CNTN4: variants seen among roughly 807,000 people sequenced by gnomAD.
CNTN4 encodes the protein contactin 4.
Under a neutral mutation model 122.5 loss-of-function variants are expected in CNTN4, and 77 were observed. That is an observed-to-expected ratio of 0.63 (90% CI 0.52 to 0.76). The LOEUF (loss-of-function observed/expected upper bound fraction) is 0.76. CNTN4 is among the 30% of genes least tolerant of loss of function. CNTN4 has a pLI of 0.00. For missense variants in CNTN4, 1,256 were observed against 1,259.1 expected (o/e 1.00, Z 0.04); for synonymous variants, 512 against 447.0 (o/e 1.15, Z -1.83).
intron 4 of CNTN4, among the ~76,000 whole-genome samples, chr3:2,658,111 G>A (rs754483638): frequency 4.0e-5 from 6 of 150,496 alleles, no homozygotes; most frequent in Admixed American, 6.7e-5. Context: ...CAGCCAGGTC[G>A]GAGGGGGTAC....
chr3:2,641,940 C>G (rs2082911605), intron 4 of CNTN4, among the ~76,000 whole-genome samples: 1 of 152,132 alleles, frequency 6.6e-6, no homozygotes, highest in Non-Finnish European at 1.5e-5. Context: ...TGGTGAATCT[C>G]AAAGTATTTC....
chr3:2,204,618 C>G (rs2038254949), intron 2 of CNTN4, among the ~76,000 whole-genome samples: 1 of 152,072 alleles, frequency 6.6e-6, no homozygotes, highest in Non-Finnish European at 1.5e-5. Context: ...ACTTATAAAT[C>G]TTTTTCCTCT....
chr3:2,787,748 AGT>A (rs934597639), intron 6 of CNTN4, among the ~76,000 whole-genome samples: 9 of 151,154 alleles, frequency 6.0e-5, no homozygotes, highest in East Asian at 1.9e-4. Flanking sequence ...TCATGCACAA[AGT>A]GTACTTATCA....
intron 4 of CNTN4, among the ~76,000 whole-genome samples, chr3:2,722,432 G>C (rs187131350): frequency 2.6e-5 from 4 of 152,240 alleles, no homozygotes; most frequent in East Asian, 1.9e-4. Flanking sequence ...GCAAGCAGAT[G>C]CTTTTGCAAT....
chr3:2,370,674 G>A (rs548344275), intron 3 of CNTN4, among the ~76,000 whole-genome samples: 17 of 152,274 alleles, frequency 1.1e-4, no homozygotes, highest in African/African-American at 3.9e-4. Flanking sequence ...TCAAGTACAG[G>A]TATCCTCTGA....
At chr3:2,959,698 CTCA>C (rs1204644091) in intron 13 of CNTN4, among the ~76,000 whole-genome samples, 2 of 151,614 alleles carry the variant, frequency 1.3e-5, no homozygotes, top group Non-Finnish European at 2.9e-5. Flanking sequence ...AAATCTTCTA[CTCA>C]TCAGAAACAG....
At chr3:2,186,160 T>C (rs1022856547) in intron 2 of CNTN4, among the ~76,000 whole-genome samples, 1 of 139,816 alleles carries the variant, frequency 7.2e-6, no homozygotes, top group African/African-American at 2.7e-5. Context: ...AATTCCCACC[T>C]ATGAGTGAGA....
chr3:2,990,886 A>C (rs1694993868), intron 14 of CNTN4, among the ~76,000 whole-genome samples: 1 of 152,200 alleles, frequency 6.6e-6, no homozygotes, highest in Non-Finnish European at 1.5e-5. Flanking sequence ...ATTTTTTAAA[A>C]TTTTATTAAC....
intron 7 of CNTN4, among the ~76,000 whole-genome samples, chr3:2,833,429 G>T (rs1441671164): frequency 2.7e-5 from 4 of 149,090 alleles, no homozygotes; most frequent in Non-Finnish European, 2.9e-5. Context: ...TAAAAATTAG[G>T]TAGTAAAGTT....
intron 3 of CNTN4, among the ~76,000 whole-genome samples, chr3:2,457,655 T>C (rs1289403860): frequency 6.6e-6 from 1 of 152,162 alleles, no homozygotes; most frequent in Non-Finnish European, 1.5e-5. Context: ...CAGGGGAGAC[T>C]AAAACTCCCA....
intron 12 of CNTN4, among the ~76,000 whole-genome samples, chr3:2,903,989 A>T (rs1207866242): frequency 6.6e-6 from 1 of 152,204 alleles, no homozygotes. Context: ...AGAATCGAAA[A>T]CATAGTTGAG....
chr3:2,418,862 A>T (rs562592587), intron 3 of CNTN4, among the ~76,000 whole-genome samples: 1 of 152,178 alleles, frequency 6.6e-6, no homozygotes, highest in African/African-American at 2.4e-5. Flanking sequence ...TTGTATTTAG[A>T]TGTTTGTATT....
intron 10 of CNTN4, among the ~76,000 whole-genome samples, chr3:2,892,898 G>C (rs1390017652): frequency 6.6e-6 from 1 of 152,134 alleles, no homozygotes; most frequent in African/African-American, 2.4e-5. Flanking sequence ...CTTATTCAAG[G>C]TAATGCAGTG....
intron 6 of CNTN4, among the ~76,000 whole-genome samples, chr3:2,773,375 G>T (rs2091184976): frequency 6.6e-6 from 1 of 152,114 alleles, no homozygotes; most frequent in African/African-American, 2.4e-5. Context: ...GTTTGTACAA[G>T]TTTTATTCAA....
At chr3:2,168,292 A>G (rs2036291202) in intron 2 of CNTN4, among the ~76,000 whole-genome samples, 1 of 152,232 alleles carries the variant, frequency 6.6e-6, no homozygotes, top group South Asian at 2.1e-4. Context: ...AAAGAGCAAT[A>G]AAATTATAAA....
intron 2 of CNTN4, among the ~76,000 whole-genome samples, chr3:2,321,667 G>A (rs1360032206): frequency 6.6e-6 from 1 of 151,736 alleles, no homozygotes; most frequent in East Asian, 1.9e-4. Flanking sequence ...AGGTCTTGAT[G>A]TTAGACGACC....
intron 2 of CNTN4, among the ~76,000 whole-genome samples, chr3:2,103,175 T>C (rs1404611010): frequency 6.7e-6 from 1 of 149,724 alleles, no homozygotes; most frequent in African/African-American, 2.5e-5. Flanking sequence ...ATTGATTTTT[T>C]AACAGCTTTT....
chr3:2,812,101 C>T (rs2092626821), intron 6 of CNTN4, among the ~76,000 whole-genome samples: 6 of 152,130 alleles, frequency 3.9e-5, no homozygotes, highest in Admixed American at 3.9e-4. Flanking sequence ...TAAAGGGGAA[C>T]ACCACACACT....
chr3:2,833,747 T>C (rs914539451), intron 7 of CNTN4, among the ~76,000 whole-genome samples: 1 of 152,218 alleles, frequency 6.6e-6, no homozygotes, highest in African/African-American at 2.4e-5. Flanking sequence ...TAAAAAATAA[T>C]TCCAATGACA....
Sources: gnomAD v4.1 joint callset for allele counts (sites outside exome capture counted in the v4.1 genomes callset) on GRCh38, gnomAD v4.1.1 for gene constraint, MANE v1.5 for transcripts, NCBI Gene and HGNC (gene_info 2026-07-23, HGNC 2026-07-21) for gene names.